PRKAR2A: variants seen among roughly 807,000 people sequenced by gnomAD.
The protein encoded by PRKAR2A is cAMP-dependent protein kinase type II-alpha regulatory subunit.
Under a neutral mutation model 51.9 loss-of-function variants are expected in PRKAR2A, and 29 were observed. The ratio of observed to expected loss-of-function variants is 0.56; its 90% CI spans 0.42 to 0.76. PRKAR2A has a LOEUF of 0.76. Ranked by LOEUF, PRKAR2A falls within the 30% of genes least tolerant of loss-of-function variation. PRKAR2A has a pLI of 0.00. For synonymous variants in PRKAR2A, 178 were observed against 186.2 expected (o/e 0.96, Z 0.36); for missense variants, 445 against 512.1 (o/e 0.87, Z 1.26).
In PRKAR2A at chr3:48,759,384, C is replaced by CT. The variant is rs1246199187; in HGVS notation, c.874-2941dup. Reference sequence around the variant, plus strand: ...AGCTCACTGGAAGAGCATCCTGCCCCTTTTTTTTTTTTTTTTTTTGAGACG... The same window carrying CT: ...AGCTCACTGGAAGAGCATCCTGCCCCTTTTTTTTTTTTTTTTTTTTGAGACG... On this transcript the variant is annotated intron_variant, in intron 8 of 10. Transcript: ENST00000265563. Among the ~76,000 whole-genome samples the CT allele has an allele frequency of 8.0e-3, 1,104 of 138,272 alleles. 14 individuals carry two copies. Among genetic ancestry groups the CT allele is most frequent in the East Asian group, 0.037 (179 of 4,788 alleles). 90.7% of individuals were successfully genotyped at this position (138,272 alleles called of 152,430 possible).
chr3:48,771,512 T>C (rs1213653303), intron 6 of PRKAR2A, among the ~76,000 whole-genome samples: 1 of 152,204 alleles, frequency 6.6e-6, no homozygotes, highest in Non-Finnish European at 1.5e-5. Flanking sequence ...AGATCTGTTA[T>C]TGATTTTTAG....
chr3:48,771,374 G>A (rs1233147604), intron 6 of PRKAR2A, among the ~76,000 whole-genome samples: 4 of 152,042 alleles, frequency 2.6e-5, no homozygotes, highest in Non-Finnish European at 5.9e-5. Context: ...CAGGTGTGGT[G>A]GTGCACACCT....
intron 2 of PRKAR2A, among the ~76,000 whole-genome samples, chr3:48,802,460 A>C (rs1044812159): frequency 3.9e-5 from 6 of 152,208 alleles, no homozygotes; most frequent in Admixed American, 3.9e-4. Flanking sequence ...AAAGGAAAAA[A>C]AAAAAAGTCT....
At chr3:48,826,305 T>C (rs549272344) in intron 1 of PRKAR2A, among the ~76,000 whole-genome samples, 4 of 152,148 alleles carry the variant, frequency 2.6e-5, no homozygotes, top group Non-Finnish European at 5.9e-5. Context: ...TCTGGTTCAA[T>C]ATTCACTAGA....
At chr3:48,761,261 G>C (rs952580210) in intron 8 of PRKAR2A, among the ~76,000 whole-genome samples, 1 of 152,102 alleles carries the variant, frequency 6.6e-6, no homozygotes, top group South Asian at 2.1e-4. Context: ...TAGCCTGGGT[G>C]ACAGAGGGAG....
At chr3:48,772,495 C>T (rs903885761) in intron 6 of PRKAR2A, among the ~76,000 whole-genome samples, 1 of 152,178 alleles carries the variant, frequency 6.6e-6, no homozygotes, top group African/African-American at 2.4e-5. Context: ...GTGTGAGTCA[C>T]CGTGCCTGGC....
Position 48,847,306 on chromosome 3 carries a change from C to G in PRKAR2A, c.262+29G>C. The G allele has an allele frequency of 6.2e-7, 1 of 1,611,288 alleles. No individual in the cohort carries two copies. The highest frequency in any genetic ancestry group is 8.5e-7 in the Non-Finnish European group (1 of 1,178,702). ...CTAGACCTCTGGAGACCTCCTGCAC[C>G]ACTCCCCAGGGCCCCGCCCACAGCC... On this transcript the variant is annotated intron_variant, in intron 1 of 10. Coordinates refer to ENST00000265563, the MANE Select transcript of PRKAR2A (RefSeq NM_004157.4). This position sits in a 1 kb window ranked among gnomAD's most constrained non-coding sequence, Gnocchi z 4.4.
chr3:48,826,478 A>G (rs573403656), intron 1 of PRKAR2A, among the ~76,000 whole-genome samples: 33 of 152,278 alleles, frequency 2.2e-4, no homozygotes, highest in African/African-American at 7.0e-4. Context: ...CAGCCCATCA[A>G]TGGATTTACC....
chr3:48,810,050 C>G (rs1245837117), intron 1 of PRKAR2A, among the ~76,000 whole-genome samples: 1 of 152,154 alleles, frequency 6.6e-6, no homozygotes, highest in East Asian at 1.9e-4. Context: ...AGCCTCCAAA[C>G]CTTTTTTCCC....
intron 1 of PRKAR2A, among the ~76,000 whole-genome samples, chr3:48,844,526 G>A (rs2083430252): frequency 1.3e-5 from 2 of 151,262 alleles, no homozygotes; most frequent in African/African-American, 2.4e-5. Flanking sequence ...TGCTATAAAG[G>A]CACATGCACA....
intron 5 of PRKAR2A, among the ~76,000 whole-genome samples, chr3:48,779,780 A>AAAAT (rs199753996): frequency 0.046 from 6,295 of 135,940 alleles, 202 homozygotes; most frequent in Non-Finnish European, 0.07. Flanking sequence ...ACTCCGTCTC[A>AAAAT]AAATAAATAA....
At chr3:48,788,445 A>G (rs992144184) in intron 4 of PRKAR2A, among the ~76,000 whole-genome samples, 5 of 152,188 alleles carry the variant, frequency 3.3e-5, no homozygotes, top group African/African-American at 1.2e-4. Context: ...TGCTGGGATT[A>G]CAGGCGTGAG....
intron 2 of PRKAR2A, among the ~76,000 whole-genome samples, chr3:48,802,454 G>GA (rs796856976): frequency 5.1e-4 from 74 of 144,124 alleles, no homozygotes; most frequent in East Asian, 1.2e-3. Flanking sequence ...AGTTTAAAAG[G>GA]AAAAAAAAAA....
chr3:48,745,227 G>C (rs59840139), downstream of PRKAR2A, among the ~76,000 whole-genome samples: 1 of 141,702 alleles, frequency 7.1e-6, no homozygotes, highest in Non-Finnish European at 1.5e-5. Flanking sequence ...ATTTTTTGTA[G>C]AGACAGGGTC....
chr3:48,836,534 C>G (rs1479095570), intron 1 of PRKAR2A, among the ~76,000 whole-genome samples: 2 of 144,430 alleles, frequency 1.4e-5, no homozygotes, highest in African/African-American at 5.2e-5. Flanking sequence ...AAACTATAAA[C>G]TTCTAGAAGA....
intron 1 of PRKAR2A, among the ~76,000 whole-genome samples, chr3:48,814,242 G>A (rs1023912507): frequency 2.6e-5 from 4 of 151,088 alleles, no homozygotes; most frequent in Middle Eastern, 3.2e-3. Flanking sequence ...GCGAGAATCC[G>A]TCTCAAAAAG....
intron 1 of PRKAR2A, among the ~76,000 whole-genome samples, chr3:48,838,844 CA>C (rs2083328707): frequency 6.6e-6 from 1 of 151,396 alleles, no homozygotes; most frequent in African/African-American, 2.4e-5. Context: ...ATTAGCTAGG[CA>C]TGGTGGTGGG....
At chr3:48,777,695 G>A (rs528587571) in intron 5 of PRKAR2A, among the ~76,000 whole-genome samples, 151 of 152,166 alleles carry the variant, frequency 9.9e-4, no homozygotes, top group South Asian at 2.7e-3. Flanking sequence ...GTGAGGCACC[G>A]CGCCAGGCCT....
At chr3:48,805,204 T>C (rs1405789600) in intron 2 of PRKAR2A, among the ~76,000 whole-genome samples, 1 of 152,058 alleles carries the variant, frequency 6.6e-6, no homozygotes, top group Non-Finnish European at 1.5e-5. Flanking sequence ...TGAGCCACGA[T>C]GGCCAGCCAT....
Sources: gnomAD v4.1 joint callset for allele counts (sites outside exome capture counted in the v4.1 genomes callset) on GRCh38, gnomAD v4.1.1 for gene constraint, Gnocchi (gnomAD v3.1) non-coding constraint, MANE v1.5 for transcripts, NCBI Gene and HGNC (gene_info 2026-07-23, HGNC 2026-07-21) for gene names.